Variants in TMEFF2 observed in about 807,000 individuals in gnomAD.
TMEFF2 encodes the protein tomoregulin-2.
TMEFF2 carries 28 observed loss-of-function variants against 53.8 expected under a neutral mutation model. The ratio of observed to expected loss-of-function variants is 0.52; its 90% CI spans 0.39 to 0.71. TMEFF2 has a LOEUF of 0.71. Ranked by LOEUF, TMEFF2 falls within the 30% of genes least tolerant of loss-of-function variation. The pLI, the probability that TMEFF2 is intolerant of heterozygous loss-of-function variation, is 0.00. For missense variants in TMEFF2, 353 were observed against 455.2 expected, an observed-to-expected ratio of 0.78 and a Z score of 2.04; for synonymous variants, 162 against 166.3, an observed-to-expected ratio of 0.97 and a Z score of 0.20.
intron 5 of TMEFF2, among the ~76,000 whole-genome samples, chr2:192,016,624 G>A (rs1056019143): frequency 6.6e-6 from 1 of 152,168 alleles, no homozygotes; most frequent in Non-Finnish European, 1.5e-5. Flanking sequence ...TAGAAGTCCA[G>A]TAAAACTGGA....
At chr2:192,044,543 C>T (rs922792025) in intron 5 of TMEFF2, 8 of 152,114 alleles carry the variant, frequency 5.3e-5, no homozygotes, top group Admixed American at 5.2e-4. Context: ...CTGCTTTTCA[C>T]TAGTTTTCAG....
intron 7 of TMEFF2, among the ~76,000 whole-genome samples, chr2:191,968,056 C>T (rs1332787895): frequency 6.6e-6 from 1 of 152,148 alleles, no homozygotes; most frequent in African/African-American, 2.4e-5. Flanking sequence ...TATTTGGAGA[C>T]CAATTTTTTC....
At chr2:192,154,205 C>T (rs1162777780) in intron 4 of TMEFF2, among the ~76,000 whole-genome samples, 1 of 151,880 alleles carries the variant, frequency 6.6e-6, no homozygotes, top group South Asian at 2.1e-4. Context: ...GGACTTATGA[C>T]CTTCCTCATC....
chr2:192,193,949 T>C (rs73984914), intron 1 of TMEFF2, among the ~76,000 whole-genome samples: 12,509 of 152,222 alleles, frequency 0.082, 632 homozygotes, highest in Non-Finnish European at 0.11. Flanking sequence ...TCGCTCATTC[T>C]TTCTCATAAA....
intron 4 of TMEFF2, among the ~76,000 whole-genome samples, chr2:192,153,425 A>G (rs1690434037): frequency 6.6e-6 from 1 of 151,762 alleles, no homozygotes; most frequent in South Asian, 2.1e-4. Flanking sequence ...TGAGTAGCCA[A>G]TTCCCCAATT....
chr2:192,041,885 T>G (rs866047157), intron 5 of TMEFF2, among the ~76,000 whole-genome samples: 2 of 152,148 alleles, frequency 1.3e-5, no homozygotes, highest in Non-Finnish European at 2.9e-5. Flanking sequence ...TTGGTTTGGG[T>G]GCCCCAAAAC....
chr2:191,996,794 A>C (rs1337042332), intron 7 of TMEFF2, among the ~76,000 whole-genome samples: 1 of 151,864 alleles, frequency 6.6e-6, no homozygotes, highest in Non-Finnish European at 1.5e-5. Context: ...TGAAATGATA[A>C]AATTTTCAGG....
chr2:192,127,915 C>A (rs1689717011), intron 4 of TMEFF2, among the ~76,000 whole-genome samples: 1 of 152,180 alleles, frequency 6.6e-6, no homozygotes, highest in Non-Finnish European at 1.5e-5. Context: ...TGCTACATAA[C>A]TCCTCTTTGG....
intron 4 of TMEFF2, among the ~76,000 whole-genome samples, chr2:192,138,394 T>C (rs1574407887): frequency 6.6e-6 from 1 of 152,198 alleles, no homozygotes; most frequent in Non-Finnish European, 1.5e-5. Flanking sequence ...TGCTTTACAA[T>C]AGTGCTTCTC....
chr2:192,099,048 C>T (rs980455527), intron 4 of TMEFF2, among the ~76,000 whole-genome samples: 3 of 152,022 alleles, frequency 2.0e-5, no homozygotes, highest in African/African-American at 7.2e-5. Context: ...CCAAAGACAG[C>T]CAGGTACCAT....
At chr2:191,955,371 C>T (rs1054464080) in intron 8 of TMEFF2, among the ~76,000 whole-genome samples, 13 of 150,688 alleles carry the variant, frequency 8.6e-5, no homozygotes, top group Non-Finnish European at 1.0e-4. Context: ...ATATAAGAGG[C>T]GGGGTCTTGC....
chr2:192,132,644 C>T (rs1689872618), intron 4 of TMEFF2, among the ~76,000 whole-genome samples: 1 of 152,180 alleles, frequency 6.6e-6, no homozygotes, highest in South Asian at 2.1e-4. Context: ...TTCCAAACGC[C>T]TGAACTGCAG....
chr2:192,190,535 C>G (rs535953056), intron 2 of TMEFF2, among the ~76,000 whole-genome samples: 1 of 152,070 alleles, frequency 6.6e-6, no homozygotes, highest in Non-Finnish European at 1.5e-5. Flanking sequence ...GGCTGCAGAC[C>G]TTAGAAGTTG....
chr2:192,003,827 T>C (rs1450489140), intron 5 of TMEFF2, among the ~76,000 whole-genome samples: 1 of 151,888 alleles, frequency 6.6e-6, no homozygotes, highest in Non-Finnish European at 1.5e-5. Context: ...TTTCCAGGTG[T>C]CTGCTTCAAA....
intron 4 of TMEFF2, among the ~76,000 whole-genome samples, chr2:192,132,911 A>G (rs1287316068): frequency 6.6e-6 from 1 of 152,106 alleles, no homozygotes; most frequent in Non-Finnish European, 1.5e-5. Flanking sequence ...GATCACCTCG[A>G]AAGCCCCGTA....
At chr2:192,157,014 C>T (rs1690521595) in intron 4 of TMEFF2, among the ~76,000 whole-genome samples, 1 of 152,014 alleles carries the variant, frequency 6.6e-6, no homozygotes, top group Admixed American at 6.6e-5. Context: ...GACCAAGATG[C>T]AGTTTGTATA....
intron 4 of TMEFF2, among the ~76,000 whole-genome samples, chr2:192,105,899 T>G (rs1285714872): frequency 6.6e-6 from 1 of 151,856 alleles, no homozygotes; most frequent in Admixed American, 6.6e-5. Flanking sequence ...CTTAACACAG[T>G]CACTATTGGG....
At chr2:192,142,240 C>T (rs1690154830) in intron 4 of TMEFF2, among the ~76,000 whole-genome samples, 1 of 151,706 alleles carries the variant, frequency 6.6e-6, no homozygotes, top group Non-Finnish European at 1.5e-5. Flanking sequence ...CTTGGATTCT[C>T]CTAGAAGCAA....
At chr2:191,951,350 T>G (rs1691874239) in intron 9 of TMEFF2, among the ~76,000 whole-genome samples, 5 of 136,730 alleles carry the variant, frequency 3.7e-5, no homozygotes, top group Admixed American at 2.8e-4. Context: ...TCTCCAAATG[T>G]CCATACTTTT....
Sources: gnomAD v4.1 joint callset for allele counts (sites outside exome capture counted in the v4.1 genomes callset) on GRCh38, gnomAD v4.1.1 for gene constraint, MANE v1.5 for transcripts, NCBI Gene and HGNC (gene_info 2026-07-23, HGNC 2026-07-21) for gene names.